PIGL: variants seen among roughly 807,000 people sequenced by gnomAD.
The protein encoded by PIGL is N-acetylglucosaminyl-phosphatidylinositol de-N-acetylase.
A neutral mutation model predicts 31.1 loss-of-function variants in PIGL; 22 were observed. The observed-to-expected ratio is 0.71, with a 90% CI of 0.51 to 1.01. The LOEUF is 1.01. PIGL is among the 50% of genes least tolerant of loss of function. The pLI is 0.00. For missense variants in PIGL, 302 were observed against 315.9 expected, an observed-to-expected ratio of 0.96 and a Z score of 0.33; for synonymous variants, 131 against 117.4, an observed-to-expected ratio of 1.12 and a Z score of -0.75.
At chr17:16,285,987 G>T (rs867380026) in intron 2 of PIGL, among the ~76,000 whole-genome samples, 13 of 152,210 alleles carry the variant, frequency 8.5e-5, no homozygotes, top group African/African-American at 2.9e-4. Context: ...AGTGGCCCTT[G>T]GGGGGCGATA....
rs997362630 is a variant in PIGL, at chr17:16,270,482, A to G, written c.336-29406A>G. On this transcript the variant is annotated intron_variant, in intron 2 of 6. Transcript: ENST00000225609. ...TAATTATAAATTAATAAAAATTGTGATCCCACAATTAATTTCAAATTTATT... is the reference window on the plus strand; with the variant it reads ...TAATTATAAATTAATAAAAATTGTGGTCCCACAATTAATTTCAAATTTATT... Among the ~76,000 whole-genome samples, 5 of 152,092 alleles carry G rather than the reference A, an allele frequency of 3.3e-5. 1 individual carries two copies. In the South Asian group the frequency reaches 1.0e-3, roughly 32 times the overall value.
intron 2 of PIGL, among the ~76,000 whole-genome samples, chr17:16,241,611 G>A (rs1343731619): frequency 6.6e-6 from 1 of 151,902 alleles, no homozygotes; most frequent in Non-Finnish European, 1.5e-5. Context: ...AATTGCCCAT[G>A]GATTAACTGG....
chr17:16,256,957 G>A (rs555459792), intron 2 of PIGL, among the ~76,000 whole-genome samples: 1 of 152,190 alleles, frequency 6.6e-6, no homozygotes, highest in East Asian at 1.9e-4. Context: ...TAAAGTGCTA[G>A]GATTGCAGGC....
At chr17:16,233,472 A>G (rs143372003) in intron 1 of PIGL, among the ~76,000 whole-genome samples, 210 of 152,124 alleles carry the variant, frequency 1.4e-3, no homozygotes, top group African/African-American at 4.8e-3. Context: ...GCTTTCCTAA[A>G]TGGTATCTAC....
chr17:16,271,536 CTT>C (rs775474586), intron 2 of PIGL, among the ~76,000 whole-genome samples: 1 of 146,544 alleles, frequency 6.8e-6, no homozygotes, highest in East Asian at 2.0e-4. Context: ...ACATAGAACA[CTT>C]TTTTTTTTTT....
intron 3 of PIGL, among the ~76,000 whole-genome samples, chr17:16,308,475 C>A (rs2093035295): frequency 6.6e-6 from 1 of 152,056 alleles, no homozygotes; most frequent in African/African-American, 2.4e-5. Flanking sequence ...TATTGAGTAC[C>A]CAATATGGGA....
intron 6 of PIGL, among the ~76,000 whole-genome samples, chr17:16,318,423 C>T (rs2142873288): frequency 6.6e-6 from 1 of 151,988 alleles, no homozygotes; most frequent in African/African-American, 2.4e-5. Context: ...GGCACCGCCA[C>T]CACACCCGGC....
rs374242030 is a variant in PIGL at position 16,306,034 on chromosome 17, C to T, written c.426+6056C>T. Among the ~76,000 whole-genome samples the T allele has an allele frequency of 3.9e-5, 6 of 152,178 alleles. No individual in the cohort carries two copies. The East Asian group carries it at 5.8e-4, about 15-fold the overall frequency. On this transcript the variant is annotated intron_variant, in intron 3 of 6. Transcript: ENST00000225609. Reference sequence around the variant, plus strand: ...CACGATCTCGGCTGACTTCAACCTCCGCCTCCCGGGTTCAAGCAAATCTCC... The same window carrying T: ...CACGATCTCGGCTGACTTCAACCTCTGCCTCCCGGGTTCAAGCAAATCTCC...
intron 2 of PIGL, among the ~76,000 whole-genome samples, chr17:16,258,103 A>AAAGAG (rs2092803442): frequency 1.5e-5 from 1 of 65,704 alleles, no homozygotes; most frequent in Non-Finnish European, 2.9e-5. Context: ...GAGAGAGAGA[A>AAAGAG]AGAGAGAGAG....
intron 2 of PIGL, among the ~76,000 whole-genome samples, chr17:16,245,769 TAC>T (rs1425441076): frequency 1.3e-5 from 2 of 148,730 alleles, no homozygotes; most frequent in Admixed American, 6.8e-5. Context: ...TATATATACA[TAC>T]ACACACACAT....
chr17:16,274,723 C>CAA (rs536998016), intron 2 of PIGL, among the ~76,000 whole-genome samples: 1 of 133,820 alleles, frequency 7.5e-6, no homozygotes, highest in African/African-American at 2.7e-5. Context: ...GACTACGTCT[C>CAA]AAAAAAAAAA....
At chr17:16,235,682 A>T (rs1276355425) in intron 2 of PIGL, among the ~76,000 whole-genome samples, 5 of 147,458 alleles carry the variant, frequency 3.4e-5, no homozygotes, top group South Asian at 2.1e-4. Flanking sequence ...TGAACTCCCG[A>T]CCTCAGGTGA....
intron 6 of PIGL, among the ~76,000 whole-genome samples, chr17:16,321,807 G>A (rs889034380): frequency 4.1e-5 from 6 of 148,050 alleles, no homozygotes; most frequent in Admixed American, 6.8e-5. Context: ...TTTTTGAGAC[G>A]GAGTTTCGCT....
intron 2 of PIGL, among the ~76,000 whole-genome samples, chr17:16,245,298 T>C (rs2092739859): frequency 6.6e-6 from 1 of 151,638 alleles, no homozygotes; most frequent in South Asian, 2.1e-4. Context: ...GCTAAATTTT[T>C]GTATTTTTAG....
At chr17:16,272,600 T>C (rs2092877420) in intron 2 of PIGL, among the ~76,000 whole-genome samples, 2 of 152,242 alleles carry the variant, frequency 1.3e-5, no homozygotes, top group Admixed American at 1.3e-4. Flanking sequence ...AAATTCTGGC[T>C]CATCGTCCTA....
intron 6 of PIGL, among the ~76,000 whole-genome samples, chr17:16,325,486 T>A (rs1213712258): frequency 6.6e-6 from 1 of 152,098 alleles, no homozygotes; most frequent in Non-Finnish European, 1.5e-5. Flanking sequence ...ATAACAGTAC[T>A]TGATTCACAG....
chr17:16,248,190 GC>G (rs1302152941), intron 2 of PIGL, among the ~76,000 whole-genome samples: 1 of 151,972 alleles, frequency 6.6e-6, no homozygotes, highest in African/African-American at 2.4e-5. Context: ...CCAGCCTCAA[GC>G]TTTCTCATTT....
At chr17:16,219,866 C>T (rs913055594) in intron 1 of PIGL, among the ~76,000 whole-genome samples, 1 of 151,942 alleles carries the variant, frequency 6.6e-6, no homozygotes, top group Non-Finnish European at 1.5e-5. Context: ...CCCGGCTGGC[C>T]AGCTTTTAGT....
intron 3 of PIGL, among the ~76,000 whole-genome samples, chr17:16,308,178 C>T (rs953254538): frequency 6.6e-6 from 1 of 151,736 alleles, no homozygotes; most frequent in African/African-American, 2.4e-5. Flanking sequence ...ACTAAAAATA[C>T]AAAAATTAGC....
Sources: allele counts gnomAD v4.1 joint callset (sites outside exome capture counted in the v4.1 genomes callset), GRCh38; gene constraint gnomAD v4.1.1; transcripts MANE v1.5; gene names NCBI Gene and HGNC (gene_info 2026-07-23, HGNC 2026-07-21).